CLDN1: variants seen among roughly 807,000 people sequenced by gnomAD.
CLDN1 encodes the protein claudin 1.
A neutral mutation model predicts 22.6 loss-of-function variants in CLDN1; 12 were observed. The ratio of observed to expected loss-of-function variants is 0.53; its 90% CI spans 0.34 to 0.86. CLDN1 has a LOEUF of 0.86. CLDN1 is among the 40% of genes least tolerant of loss of function. The pLI is 0.02. For missense variants in CLDN1, 250 were observed against 269.5 expected, an observed-to-expected ratio of 0.93 and a Z score of 0.51; for synonymous variants, 99 against 103.8, an observed-to-expected ratio of 0.95 and a Z score of 0.28.
chr3:190,309,906 CA>C (rs1300735554), intron 3 of CLDN1, among the ~76,000 whole-genome samples: 1 of 151,982 alleles, frequency 6.6e-6, no homozygotes, highest in Admixed American at 6.6e-5. Flanking sequence ...AAAAAACAAA[CA>C]AAAGAAAGCC....
At chr3:190,308,689 C>A (rs1163056229) in intron 3 of CLDN1, among the ~76,000 whole-genome samples, 1 of 152,030 alleles carries the variant, frequency 6.6e-6, no homozygotes, top group Non-Finnish European at 1.5e-5. Context: ...ACAAATAATT[C>A]CAAGGACTTT....
rs1329060307 is a variant in CLDN1, at chr3:190,307,906, T to A, written c.*371A>T. On this transcript the variant is annotated 3_prime_UTR_variant, in exon 4 of 4. Transcript: ENST00000295522. ...ACATTTACCTATTTTAGAGATATTT[T>A]AAGTATGCTAGTATCAACATAATGA... 1 of 169,782 alleles carries A rather than the reference T, an allele frequency of 5.9e-6. No individual in the cohort carries two copies. Among genetic ancestry groups the A allele is most frequent in the Non-Finnish European group, 1.3e-5 (1 of 78,236 alleles). The allele number at this position is 169,782 out of a possible 1,614,324, so 10.5% of individuals were successfully genotyped here. A position where few individuals can be genotyped will look rare whatever the true frequency, so the allele number is the denominator to read the frequency against.
In CLDN1 at chr3:190,308,140, T is replaced by TTTTG. The variant is rs1419169610; in HGVS notation, c.*133_*136dup. 11 of 1,049,936 alleles carry TTTTG rather than the reference T, an allele frequency of 1.0e-5. No individual in the cohort carries two copies. The highest frequency in any genetic ancestry group is 2.6e-5 in the South Asian group (2 of 76,674). The allele number at this position is 1,049,936 out of a possible 1,614,324, so 65.0% of individuals were successfully genotyped here. A position where few individuals can be genotyped will look rare whatever the true frequency, so the allele number is the denominator to read the frequency against. ...CACTGAGTATTTTAACACATGGGTTTTTTGTTTGTTTGTTTGTTTTGTAAT... is the reference window on the plus strand; with the variant it reads ...CACTGAGTATTTTAACACATGGGTTTTTTGTTTGTTTGTTTGTTTGTTTTGTAAT... On this transcript the variant is annotated 3_prime_UTR_variant, in exon 4 of 4. Coordinates refer to ENST00000295522, the MANE Select transcript of CLDN1 (RefSeq NM_021101.5).
chr3:190,318,695 A>T (rs1479454300), intron 1 of CLDN1, among the ~76,000 whole-genome samples: 1 of 152,232 alleles, frequency 6.6e-6, no homozygotes, highest in Non-Finnish European at 1.5e-5. Context: ...GAACTAATTT[A>T]TGAAGTATAT....
At chr3:190,313,097 A>G in intron 1 of CLDN1, 61 bp from the exon 2 acceptor site, 1 of 1,586,228 alleles carries the variant, frequency 6.3e-7, no homozygotes, top group Non-Finnish European at 8.7e-7. Context: ...GAAAAATGGA[A>G]GAAGACCAAG....
Position 190,308,172 on chromosome 3 carries a change from C to T in CLDN1, c.*105G>A. On this transcript the variant is annotated 3_prime_UTR_variant, in exon 4 of 4. Transcript: ENST00000295522. ...TGTTTGTTTGTTTTGTAATACCATA[C>T]TTCAGATTACAATACCCAAAATTCT... 7.5e-7 allele frequency: 1 copy of T among 1,341,224 alleles called. No homozygotes were observed. Among genetic ancestry groups the T allele is most frequent in the Non-Finnish European group, 1.1e-6 (1 of 935,508 alleles). The allele number at this position is 1,341,224 out of a possible 1,614,324, so 83.1% of individuals were successfully genotyped here.
chr3:190,317,748 G>C (rs1716809000), intron 1 of CLDN1, among the ~76,000 whole-genome samples: 1 of 152,176 alleles, frequency 6.6e-6, no homozygotes, highest in Non-Finnish European at 1.5e-5. Flanking sequence ...TGGAAGCCTT[G>C]TATACAGAAA....
At chr3:190,317,270 A>T (rs907936449) in intron 1 of CLDN1, among the ~76,000 whole-genome samples, 1 of 152,182 alleles carries the variant, frequency 6.6e-6, no homozygotes, top group Non-Finnish European at 1.5e-5. Flanking sequence ...AGCAAACATT[A>T]AAAAAATTAC....
chr3:190,310,551 A>AAATAT (rs1236905700), intron 2 of CLDN1, among the ~76,000 whole-genome samples: 1 of 152,226 alleles, frequency 6.6e-6, no homozygotes, highest in Non-Finnish European at 1.5e-5. Context: ...AATCTCTTTT[A>AAATAT]AATATGCTGT....
intron 1 of CLDN1, among the ~76,000 whole-genome samples, chr3:190,320,890 C>T (rs926332105): frequency 1.2e-4 from 19 of 152,020 alleles, no homozygotes; most frequent in African/African-American, 4.1e-4. Context: ...ATACTCCAGC[C>T]GTGAATCATT....
Position 190,305,780 on chromosome 3 carries a change from A to C in CLDN1, c.*2497T>G, listed in dbSNP as rs566294009. The C allele has an allele frequency of 6.6e-6, 1 of 152,304 alleles. No homozygotes were observed. Among genetic ancestry groups the C allele is most frequent in the East Asian group, 1.9e-4 (1 of 5,184 alleles). The allele number at this position is 152,304 out of a possible 1,614,324, so 9.4% of individuals were successfully genotyped here. A position where few individuals can be genotyped will look rare whatever the true frequency, so the allele number is the denominator to read the frequency against. On this transcript the variant is annotated 3_prime_UTR_variant, in exon 4 of 4. Transcript: ENST00000295522. ...CAAATTCCTATTATAAAACCCCAAA[A>C]TGTCTATTGGTCTGTTTCCAGGTGT...
intron 2 of CLDN1, among the ~76,000 whole-genome samples, chr3:190,310,759 C>T (rs1234240368): frequency 6.6e-6 from 1 of 152,042 alleles, no homozygotes; most frequent in African/African-American, 2.4e-5. Flanking sequence ...GACCAGAATA[C>T]CTGCATTACT....
intron 2 of CLDN1, among the ~76,000 whole-genome samples, chr3:190,311,492 A>G (rs1011239199): frequency 1.3e-4 from 20 of 152,174 alleles, no homozygotes; most frequent in African/African-American, 4.6e-4. Context: ...CTGACATATT[A>G]TACTGAAGCA....
In CLDN1 at chr3:190,310,274, A is replaced by G. The variant is rs72466473; in HGVS notation, c.389-21T>C. The G allele has an allele frequency of 3.4e-3, 5,342 of 1,588,006 alleles. 14 individuals carry two copies. The highest frequency in any genetic ancestry group is 3.7e-3 in the Non-Finnish European group (4,250 of 1,156,748). ...CAGACCTATAGAAATTCAAAACAAA[A>G]GACTGTTAATCACCATGGAACACTG... On this transcript the variant is annotated intron_variant, in intron 2 of 3. Transcript: ENST00000295522.
rs1165369495 is a variant in CLDN1 at position 190,305,987 on chromosome 3, A to G, written c.*2290T>C. ...CATTTAAATTTTAACTTCCAAAAGC[A>G]TATATTCTCAGGTTTGGAAGGCACA... is the stretch of plus-strand genomic sequence containing the variant. On this transcript the variant is annotated 3_prime_UTR_variant, in exon 4 of 4. Coordinates refer to ENST00000295522, the MANE Select transcript of CLDN1 (RefSeq NM_021101.5). 6.6e-6 allele frequency: 1 copy of G among 152,250 alleles called. No homozygotes were observed. Among genetic ancestry groups the G allele is most frequent in the Non-Finnish European group, 1.5e-5 (1 of 68,042 alleles). The allele number at this position is 152,250 out of a possible 1,614,324, so 9.4% of individuals were successfully genotyped here. A position where few individuals can be genotyped will look rare whatever the true frequency, so the allele number is the denominator to read the frequency against.
In CLDN1 at chr3:190,310,585, A is replaced by G. The variant is rs3774027; in HGVS notation, c.389-332T>C. 5.8e-3 allele frequency among the ~76,000 whole-genome samples: 879 copies of G among 152,334 alleles called. 41 individuals carry two copies. In the South Asian group the frequency reaches 0.099, roughly 17 times the overall value. On this transcript the variant is annotated intron_variant, in intron 2 of 3. Coordinates refer to ENST00000295522, the MANE Select transcript of CLDN1 (RefSeq NM_021101.5). ...GTTATACATTAGGATACTAAACTACATTTGATAAAACTATTGTCATTATTA... is the reference window on the plus strand; with the variant it reads ...GTTATACATTAGGATACTAAACTACGTTTGATAAAACTATTGTCATTATTA...
intron 1 of CLDN1, among the ~76,000 whole-genome samples, chr3:190,315,769 A>G (rs1041839415): frequency 7.2e-5 from 11 of 152,184 alleles, no homozygotes; most frequent in African/African-American, 2.7e-4. Flanking sequence ...CTTTTCTTCA[A>G]GTAAAAACAG....
intron 1 of CLDN1, among the ~76,000 whole-genome samples, chr3:190,318,105 A>G (rs1716818174): frequency 6.6e-6 from 1 of 152,184 alleles, no homozygotes; most frequent in Non-Finnish European, 1.5e-5. Context: ...AGTCCTAATC[A>G]TTAGCATTTC....
chr3:190,314,325 T>A (rs1716705787), intron 1 of CLDN1, among the ~76,000 whole-genome samples: 1 of 152,204 alleles, frequency 6.6e-6, no homozygotes, highest in South Asian at 2.1e-4. Flanking sequence ...TAAAACTTCA[T>A]TAAATCTTGA....
Sources: allele counts gnomAD v4.1 joint callset (sites outside exome capture counted in the v4.1 genomes callset), GRCh38; gene constraint gnomAD v4.1.1; transcripts MANE v1.5; gene names NCBI Gene and HGNC (gene_info 2026-07-23, HGNC 2026-07-21).